Variants in ZNF385D observed in about 807,000 individuals in gnomAD.
ZNF385D encodes the protein zinc finger protein 659.
ZNF385D carries 15 observed loss-of-function variants against 35.8 expected under a neutral mutation model. The observed-to-expected ratio is 0.42, with a 90% CI of 0.28 to 0.64. The LOEUF is 0.64. Among genes scored for constraint, ZNF385D ranks in the 30% least tolerant of loss-of-function variants. ZNF385D has a pLI of 0.23. For synonymous variants in ZNF385D, 212 were observed against 186.8 expected (o/e 1.13, Z -1.10); for missense variants, 474 against 494.6 (o/e 0.96, Z 0.39).
intron 2 of ZNF385D, among the ~76,000 whole-genome samples, chr3:22,282,895 A>G (rs913475187): frequency 6.6e-6 from 1 of 152,128 alleles, no homozygotes; most frequent in African/African-American, 2.4e-5. Context: ...ACAGAATGGC[A>G]GAATGGATAA....
chr3:22,211,683 G>A (rs1272618041), intron 2 of ZNF385D, among the ~76,000 whole-genome samples: 1 of 151,928 alleles, frequency 6.6e-6, no homozygotes, highest in East Asian at 1.9e-4. Context: ...AAGGGAGAGG[G>A]TAGGAAAACA....
intron 3 of ZNF385D, among the ~76,000 whole-genome samples, chr3:21,541,168 C>T (rs765297003): frequency 6.6e-6 from 1 of 152,178 alleles, no homozygotes; most frequent in Non-Finnish European, 1.5e-5. Flanking sequence ...AATCCAAATG[C>T]AGTGTGTAAT....
At chr3:22,070,720 T>C (rs1163910427) in intron 3 of ZNF385D, among the ~76,000 whole-genome samples, 1 of 152,272 alleles carries the variant, frequency 6.6e-6, no homozygotes, top group East Asian at 1.9e-4. Flanking sequence ...GTTGAAGCTT[T>C]ATTAAGGGTA....
intron 1 of ZNF385D, among the ~76,000 whole-genome samples, chr3:21,669,953 G>A (rs530417616): frequency 6.6e-6 from 1 of 152,108 alleles, no homozygotes; most frequent in African/African-American, 2.4e-5. Flanking sequence ...TTGAACTTCT[G>A]CACTCAATCC....
chr3:21,775,584 A>G (rs2071254731), intron 3 of ZNF385D, among the ~76,000 whole-genome samples: 1 of 151,802 alleles, frequency 6.6e-6, no homozygotes, highest in South Asian at 2.1e-4. Flanking sequence ...ATTGTATCTA[A>G]TTTCAAAATC....
intron 3 of ZNF385D, among the ~76,000 whole-genome samples, chr3:21,792,460 G>A (rs1368122319): frequency 6.6e-6 from 1 of 152,170 alleles, no homozygotes; most frequent in Non-Finnish European, 1.5e-5. Context: ...GTCTATGGTG[G>A]CTTTCAGGCT....
intron 3 of ZNF385D, among the ~76,000 whole-genome samples, chr3:22,138,902 T>C (rs1166039721): frequency 6.6e-6 from 1 of 151,956 alleles, no homozygotes; most frequent in African/African-American, 2.4e-5. Flanking sequence ...GGGAGAAAAT[T>C]TTTGCAACCT....
Position 21,907,376 on chromosome 3 carries a change from CCTTCA to C in ZNF385D, c.326-242353_326-242349del, listed in dbSNP as rs1699734539. Among the ~76,000 whole-genome samples, 4 of 151,998 alleles carry C rather than the reference CCTTCA, an allele frequency of 2.6e-5. No homozygotes were observed. In the South Asian group the frequency reaches 8.3e-4, roughly 32 times the overall value. ...GTTACTATAAAATGGCATTTGTTAC[CCTTCA>C]CAATATCTTTTTTTGTATAATAAAA... On this transcript the variant is annotated intron_variant, in intron 3 of 5. Transcript: ENST00000494108.
At chr3:21,511,627 G>A (rs749626727) in intron 3 of ZNF385D, 7 of 451,748 alleles carry the variant, frequency 1.5e-5, no homozygotes, top group Non-Finnish European at 2.7e-5. Context: ...CTTACCAAGG[G>A]TAGTCTGAGA....
chr3:22,207,255 G>A (rs1247677420), intron 2 of ZNF385D, among the ~76,000 whole-genome samples: 4 of 151,758 alleles, frequency 2.6e-5, no homozygotes, highest in Non-Finnish European at 4.4e-5. Flanking sequence ...GAACAGATAC[G>A]GTCTAGAACA....
At chr3:22,226,415 C>T (rs1346528743) in intron 2 of ZNF385D, among the ~76,000 whole-genome samples, 3 of 152,158 alleles carry the variant, frequency 2.0e-5, no homozygotes, top group Non-Finnish European at 4.4e-5. Context: ...AGAAAACAGA[C>T]AAAGATTCCC....
chr3:21,770,802 C>T (rs935629238), intron 3 of ZNF385D, among the ~76,000 whole-genome samples: 19 of 151,974 alleles, frequency 1.3e-4, no homozygotes, highest in African/African-American at 3.4e-4. Context: ...ATGTTTATTG[C>T]GGTACTACTC....
rs190787626 is a variant in ZNF385D, at chr3:21,928,618, T to C, written c.325+240199A>G. 1.3e-4 allele frequency among the ~76,000 whole-genome samples: 20 copies of C among 151,850 alleles called. No homozygotes were observed. In the East Asian group the frequency reaches 2.9e-3, roughly 22 times the overall value. On this transcript the variant is annotated intron_variant, in intron 3 of 5. Coordinates refer to the ZNF385D transcript ENST00000494108. ...GCTTTAGCTATGTTAAAAAGGAAAA[T>C]AGTGGGGAGATAGATTACCAAATTG...
intron 2 of ZNF385D, among the ~76,000 whole-genome samples, chr3:22,324,183 AT>A (rs1694570995): frequency 6.6e-6 from 1 of 152,174 alleles, no homozygotes; most frequent in African/African-American, 2.4e-5. Context: ...TGGAAGTGAA[AT>A]AATTTTGGTG....
intron 2 of ZNF385D, among the ~76,000 whole-genome samples, chr3:21,616,456 C>T (rs577075092): frequency 5.9e-5 from 9 of 152,174 alleles, no homozygotes; most frequent in East Asian, 1.9e-4. Context: ...AATTTCCTTG[C>T]GGGAGAATTT....
At chr3:22,277,098 G>A (rs977020297) in intron 2 of ZNF385D, among the ~76,000 whole-genome samples, 1 of 152,002 alleles carries the variant, frequency 6.6e-6, no homozygotes, top group Non-Finnish European at 1.5e-5. Flanking sequence ...CTAATTCTAA[G>A]TAACAGATTT....
chr3:21,811,041 G>T (rs1366205113), intron 3 of ZNF385D, among the ~76,000 whole-genome samples: 1 of 150,354 alleles, frequency 6.7e-6, no homozygotes, highest in African/African-American at 2.5e-5. Context: ...TGTAATTAAT[G>T]TCTTTAGCAA....
intron 3 of ZNF385D, among the ~76,000 whole-genome samples, chr3:21,835,363 G>T (rs1212081570): frequency 1.3e-5 from 2 of 151,784 alleles, no homozygotes; most frequent in Non-Finnish European, 2.9e-5. Context: ...TGTAAAATTT[G>T]CTTAGGATGA....
At chr3:22,350,494 T>C (rs1259682476) in intron 2 of ZNF385D, among the ~76,000 whole-genome samples, 6 of 152,220 alleles carry the variant, frequency 3.9e-5, no homozygotes, top group East Asian at 1.9e-4. Context: ...CACCAGTCCA[T>C]GATAAATCTG....
Sources: allele counts gnomAD v4.1 joint callset (sites outside exome capture counted in the v4.1 genomes callset), GRCh38; gene constraint gnomAD v4.1.1; transcripts MANE v1.5; gene names NCBI Gene and HGNC (gene_info 2026-07-23, HGNC 2026-07-21).